PTPRG: variants seen among roughly 807,000 people sequenced by gnomAD.
The protein encoded by PTPRG is receptor-type tyrosine-protein phosphatase gamma.
In PTPRG, 102 loss-of-function variants were observed where a neutral mutation model predicts 165.3. The ratio of observed to expected loss-of-function variants is 0.62; its 90% CI spans 0.53 to 0.73. The LOEUF (loss-of-function observed/expected upper bound fraction) is 0.73, where lower values mean the gene tolerates loss of function less well. Ranked by LOEUF, PTPRG falls within the 30% of genes least tolerant of loss-of-function variation. The pLI, the probability that PTPRG is intolerant of heterozygous loss-of-function variation, is 0.00. For missense variants in PTPRG, 1,866 were observed against 1,861.4 expected (o/e 1.00, Z -0.05); for synonymous variants, 675 against 669.5 (o/e 1.01, Z -0.13).
chr3:62,274,417 G>A (rs920698272), intron 23 of PTPRG, among the ~76,000 whole-genome samples: 1 of 152,056 alleles, frequency 6.6e-6, no homozygotes, highest in Admixed American at 6.6e-5. Context: ...GAGATTATAA[G>A]GACTATTAAA....
At position 62,235,705 on chromosome 3, in the gene PTPRG, T is replaced by C. The variant is rs374657665; in HGVS notation, c.2375+4394T>C. ...GAATCAGATTTTTGTCACTTCTGAC[T>C]GTACCAAAAGTCGACTAGGCCATCT... On this transcript the variant is annotated intron_variant, in intron 14 of 29. Coordinates refer to ENST00000474889, the MANE Select transcript of PTPRG (RefSeq NM_002841.4). Among the ~76,000 whole-genome samples, 26 of 152,354 alleles carry C rather than the reference T, an allele frequency of 1.7e-4. No homozygotes were observed. The South Asian group carries it at 5.4e-3, about 32-fold the overall frequency.
intron 1 of PTPRG, among the ~76,000 whole-genome samples, chr3:61,590,928 G>A (rs1353431671): frequency 1.3e-5 from 2 of 152,112 alleles, no homozygotes; most frequent in African/African-American, 4.8e-5. Context: ...TGGCCAACAT[G>A]ATGAAATACC....
intron 1 of PTPRG, among the ~76,000 whole-genome samples, chr3:61,715,271 T>A (rs1372679273): frequency 6.6e-6 from 1 of 151,730 alleles, no homozygotes; most frequent in Non-Finnish European, 1.5e-5. Flanking sequence ...GGCTGGAGTG[T>A]AGTGGCATGA....
chr3:62,065,373 G>A (rs952148034), intron 4 of PTPRG, among the ~76,000 whole-genome samples: 7 of 152,158 alleles, frequency 4.6e-5, no homozygotes, highest in African/African-American at 1.7e-4. Context: ...GGGTCTTTCA[G>A]CACATGGTTG....
chr3:62,080,963 G>A (rs962464768), intron 5 of PTPRG, among the ~76,000 whole-genome samples: 2 of 152,094 alleles, frequency 1.3e-5, no homozygotes, highest in East Asian at 3.9e-4. Flanking sequence ...ATAAAAAATA[G>A]AACATAATTA....
At chr3:62,083,587 T>G (rs1215134790) in intron 5 of PTPRG, among the ~76,000 whole-genome samples, 1 of 152,244 alleles carries the variant, frequency 6.6e-6, no homozygotes, top group African/African-American at 2.4e-5. Flanking sequence ...AAGGATACTT[T>G]GCTTTTAAAA....
intron 14 of PTPRG, among the ~76,000 whole-genome samples, chr3:62,232,467 TAAG>T (rs1188522409): frequency 3.3e-5 from 5 of 152,224 alleles, no homozygotes; most frequent in Non-Finnish European, 7.3e-5. Context: ...AGACTAATCT[TAAG>T]AGAGGAAGAC....
chr3:61,641,444 T>C (rs1702058973), intron 1 of PTPRG, among the ~76,000 whole-genome samples: 2 of 152,232 alleles, frequency 1.3e-5, no homozygotes, highest in Admixed American at 1.3e-4. Context: ...TTATTTTTAT[T>C]AACTTGGGGG....
intron 4 of PTPRG, among the ~76,000 whole-genome samples, chr3:62,046,875 T>C (rs1700309113): frequency 6.6e-6 from 1 of 152,218 alleles, no homozygotes; most frequent in Non-Finnish European, 1.5e-5. Context: ...TAGTAACAAC[T>C]ACTACCATTT....
intron 7 of PTPRG, among the ~76,000 whole-genome samples, chr3:62,165,276 G>A (rs1295860653): frequency 6.6e-6 from 1 of 152,010 alleles, no homozygotes; most frequent in East Asian, 1.9e-4. Flanking sequence ...GTCTCCAGAG[G>A]GTCTTTGTTA....
At chr3:61,934,728 C>T (rs139513222) in intron 2 of PTPRG, among the ~76,000 whole-genome samples, 16 of 152,248 alleles carry the variant, frequency 1.1e-4, no homozygotes, top group Non-Finnish European at 1.5e-4. Flanking sequence ...TTCACATGTA[C>T]ATCCCTAGCT....
intron 11 of PTPRG, among the ~76,000 whole-genome samples, chr3:62,202,363 CTG>C (rs1176308615): frequency 2.6e-5 from 4 of 152,202 alleles, no homozygotes; most frequent in African/African-American, 9.7e-5. Flanking sequence ...TTTAACATCT[CTG>C]TGTCTGAGTT....
At chr3:62,116,134 C>G (rs764689354) in intron 5 of PTPRG, among the ~76,000 whole-genome samples, 1 of 152,086 alleles carries the variant, frequency 6.6e-6, no homozygotes, top group African/African-American at 2.4e-5. Flanking sequence ...AACCAGCTAA[C>G]CAGAGCCCAG....
At position 61,674,187 on chromosome 3, in the gene PTPRG, A is replaced by T. The variant is rs575003328; in HGVS notation, c.86-74691A>T. Among the ~76,000 whole-genome samples the T allele has an allele frequency of 2.8e-4, 43 of 152,058 alleles. No homozygotes were observed. The South Asian group carries it at 5.0e-3, about 18-fold the overall frequency. ...CCAGAACAAGTATAATAATAATAAA[A>T]AAAAAAAAGAAACATGGCTTTGCAT... On this transcript the variant is annotated intron_variant, in intron 1 of 29. Transcript: ENST00000474889.
chr3:61,739,575 T>C (rs2032900227), intron 1 of PTPRG, among the ~76,000 whole-genome samples: 1 of 152,226 alleles, frequency 6.6e-6, no homozygotes, highest in East Asian at 1.9e-4. Flanking sequence ...GAGTAATATC[T>C]GGTTCAGACC....
At chr3:61,772,633 T>A (rs1446749600) in intron 2 of PTPRG, among the ~76,000 whole-genome samples, 1 of 152,198 alleles carries the variant, frequency 6.6e-6, no homozygotes, top group Non-Finnish European at 1.5e-5. Flanking sequence ...GTAGAGTAGA[T>A]ATCCATCTGA....
intron 3 of PTPRG, among the ~76,000 whole-genome samples, chr3:61,990,922 A>G (rs2040872570): frequency 6.8e-6 from 1 of 146,768 alleles, no homozygotes; most frequent in Non-Finnish European, 1.5e-5. Flanking sequence ...TTTTTAAATA[A>G]CCTAACTGGC....
At chr3:62,041,006 T>C (rs4688280) in intron 4 of PTPRG, among the ~76,000 whole-genome samples, 37,811 of 152,170 alleles carry the variant, frequency 0.25, 5,731 homozygotes, top group Non-Finnish European at 0.34. Context: ...GTCCTGGCTC[T>C]GCCCACTTTT....
intron 1 of PTPRG, among the ~76,000 whole-genome samples, chr3:61,575,017 C>A (rs1207021621): frequency 1.3e-5 from 2 of 152,186 alleles, no homozygotes; most frequent in African/African-American, 4.8e-5. Flanking sequence ...CACTTCCCAG[C>A]ACCACCATGT....
Sources: gnomAD v4.1 joint callset for allele counts (sites outside exome capture counted in the v4.1 genomes callset) on GRCh38, gnomAD v4.1.1 for gene constraint, MANE v1.5 for transcripts, NCBI Gene and HGNC (gene_info 2026-07-23, HGNC 2026-07-21) for gene names.